The following MNS1 variants were observed in gnomAD, a reference collection of about 807,000 sequenced individuals.
MNS1 encodes meiosis specific nuclear structural 1, also known as meiosis-specific nuclear structural protein 1.
In MNS1, 63 loss-of-function variants were observed where a neutral mutation model predicts 72.0. The observed-to-expected ratio is 0.87, with a 90% CI of 0.71 to 1.08. MNS1 has a LOEUF of 1.08. Ranked by LOEUF, MNS1 falls within the 50% of genes least tolerant of loss-of-function variation. MNS1 has a pLI of 0.00. For missense variants in MNS1, 604 were observed against 562.4 expected, an observed-to-expected ratio of 1.07 and a Z score of -0.75; for synonymous variants, 188 against 172.1, an observed-to-expected ratio of 1.09 and a Z score of -0.72.
chr15:56,431,486 C>T lies in MNS1; in HGVS notation c.1282G>A (p.Glu428Lys). The T allele has an allele frequency of 6.2e-7, 1 of 1,613,682 alleles. No individual in the cohort carries two copies. Among genetic ancestry groups the T allele is most frequent in the South Asian group, 1.1e-5 (1 of 91,042 alleles). The change falls in exon 9 of 10, where the codon GAA becomes AAA. Residue 428 changes from glutamate to lysine, a missense_variant. By Grantham distance (56) the Glu-to-Lys change is moderately conservative. Transcript: ENST00000260453. ...QFLADKQREL[E>K]EWQLQQRRQG... ...CGCCTTTGCTGCAACTGCCACTCTT[C>T]TAGTTCACGTTGCTGGAAATGCAGA...
At position 56,464,126 on chromosome 15, in the gene MNS1, A is replaced by G. The variant is rs2051041954; in HGVS notation, c.125T>C (p.Met42Thr). 2 of 1,614,076 alleles carry G rather than the reference A, an allele frequency of 1.2e-6. No homozygotes were observed. The highest frequency in any genetic ancestry group is 2.2e-5 in the East Asian group (1 of 44,860). The change falls in exon 2 of 10, where the codon ATG becomes ACG. Residue 42 changes from methionine to threonine, a missense_variant. Physicochemically the swap from Met to Thr is moderately conservative, Grantham distance 81. Transcript: ENST00000260453. ...ACGGTTATCATTTTCATTCTGCACCATTTGATTCCTGATTTGACTGTTGAC... is the reference window on the plus strand; with the variant it reads ...ACGGTTATCATTTTCATTCTGCACCGTTTGATTCCTGATTTGACTGTTGAC... ...KNVNSQIRNQ[M>T]VQNENDNRVQ...
chr15:56,454,387 C>T (rs1217789338), intron 3 of MNS1, among the ~76,000 whole-genome samples: 1 of 151,612 alleles, frequency 6.6e-6, no homozygotes, highest in Non-Finnish European at 1.5e-5. Context: ...TTTTAAATGT[C>T]CAGTGAAATT....
chr15:56,443,400 T>A, intron 7 of MNS1, 30 bp downstream of exon 7: 6 of 1,465,340 alleles, frequency 4.1e-6, no homozygotes, highest in Non-Finnish European at 5.5e-6. Context: ...CTTCTCTACA[T>A]TAATCATTCT....
At chr15:56,436,768 A>C (rs2050733046) in intron 7 of MNS1, among the ~76,000 whole-genome samples, 1 of 152,200 alleles carries the variant, frequency 6.6e-6, no homozygotes, top group African/African-American at 2.4e-5. Context: ...AAAATGATAA[A>C]GGGGATATCA....
At chr15:56,440,589 T>A (rs1237695799) in intron 7 of MNS1, among the ~76,000 whole-genome samples, 2 of 152,082 alleles carry the variant, frequency 1.3e-5, no homozygotes, top group African/African-American at 2.4e-5. Context: ...GGGCAAATGG[T>A]CAAATAAAAT....
At chr15:56,460,103 T>C (rs1050538147) in intron 2 of MNS1, among the ~76,000 whole-genome samples, 1 of 141,672 alleles carries the variant, frequency 7.1e-6, no homozygotes, top group East Asian at 2.1e-4. Flanking sequence ...TCCAAAATAA[T>C]GGGTCATTGT....
intron 7 of MNS1, among the ~76,000 whole-genome samples, chr15:56,442,287 A>T (rs549005938): frequency 1.1e-4 from 16 of 152,294 alleles, no homozygotes; most frequent in African/African-American, 3.8e-4. Flanking sequence ...GTGGGAATGT[A>T]AACTAGTTCA....
chr15:56,465,089 C>T lies in MNS1; in HGVS notation c.-117G>A. 6.9e-7 allele frequency: 1 copy of T among 1,439,902 alleles called. No individual in the cohort carries two copies. The highest frequency in any genetic ancestry group is 1.4e-5 in the African/African-American group (1 of 69,852). The allele number at this position is 1,439,902 out of a possible 1,614,324, so 89.2% of individuals were successfully genotyped here. On this transcript the variant is annotated 5_prime_UTR_variant, in exon 1 of 10. Coordinates refer to ENST00000260453, the MANE Select transcript of MNS1 (RefSeq NM_018365.4). The stretch of plus-strand genomic sequence containing the variant: ...GGCTGCGCGCGCTCGGGTGTTTACG[C>T]GGCGTCTTGGCAACGGTGGAGCTGC...
chr15:56,448,308 T>C (rs1357925711), intron 3 of MNS1, among the ~76,000 whole-genome samples: 1 of 152,228 alleles, frequency 6.6e-6, no homozygotes, highest in African/African-American at 2.4e-5. Context: ...GGGAATATTG[T>C]GTGATACTGA....
At chr15:56,440,500 C>T (rs1221099732) in intron 7 of MNS1, among the ~76,000 whole-genome samples, 1 of 152,080 alleles carries the variant, frequency 6.6e-6, no homozygotes, top group Non-Finnish European at 1.5e-5. Flanking sequence ...GATGTTTATA[C>T]AAAAACCTTT....
At chr15:56,432,462 C>T (rs1216808082) in intron 8 of MNS1, among the ~76,000 whole-genome samples, 3 of 152,034 alleles carry the variant, frequency 2.0e-5, no homozygotes, top group Non-Finnish European at 4.4e-5. Context: ...ATGGTTAGAC[C>T]TTATAGGATT....
intron 7 of MNS1, among the ~76,000 whole-genome samples, chr15:56,440,498 T>C (rs1350854311): frequency 6.6e-6 from 1 of 152,176 alleles, no homozygotes; most frequent in Non-Finnish European, 1.5e-5. Context: ...TTGATGTTTA[T>C]ACAAAAACCT....
chr15:56,463,589 C>A (rs942963988), intron 2 of MNS1, among the ~76,000 whole-genome samples: 2 of 152,040 alleles, frequency 1.3e-5, no homozygotes, highest in Admixed American at 6.6e-5. Flanking sequence ...CGAGATCAGC[C>A]TGGTCAATAT....
chr15:56,460,009 A>AAAAAAAATAT lies in MNS1; in HGVS notation c.226-3489_226-3488insATATTTTTTT. Among the ~76,000 whole-genome samples, 163 of 26,340 alleles carry AAAAAAAATAT rather than the reference A, an allele frequency of 6.2e-3. 35 individuals carry two copies. Among genetic ancestry groups the AAAAAAAATAT allele is most frequent in the Middle Eastern group, 0.033 (2 of 60 alleles). The allele number at this position is 26,340 out of a possible 152,430, so 17.3% of individuals were successfully genotyped here. A position where few individuals can be genotyped will look rare whatever the true frequency, so the allele number is the denominator to read the frequency against. ...CTGTCTCAAAAAAAAAAAAAAAAAA[A>AAAAAAAATAT]ATACATATATATATATATATATATA... On this transcript the variant is annotated intron_variant, in intron 2 of 9. Coordinates refer to ENST00000260453, the MANE Select transcript of MNS1 (RefSeq NM_018365.4).
rs1239151997 is a variant in MNS1 at position 56,431,406 on chromosome 15, C to T, written c.1362G>A (p.Glu454=). The T allele has an allele frequency of 1.2e-6, 2 of 1,613,206 alleles. No individual in the cohort carries two copies. The highest frequency in any genetic ancestry group is 1.1e-5 in the South Asian group (1 of 91,010). ...IEEERLKLLK[E]HATNLLGYLP... is the part of the protein sequence containing the mutation. The stretch of plus-strand genomic sequence containing the variant: ...GATAGCCTAGTAAGTTTGTAGCATG[C>T]TCTTTAAGAAGTTTTAGCCTTTCTT... The change falls in exon 9 of 10, where the codon GAG becomes GAA. Residue 454 remains glutamate (E), a synonymous_variant. Coordinates refer to ENST00000260453, the MANE Select transcript of MNS1 (RefSeq NM_018365.4).
Position 56,429,117 on chromosome 15 carries a change from A to T in MNS1, c.1472T>A (p.Ile491Asn), listed in dbSNP as rs1197354522. The T allele has an allele frequency of 6.3e-7, 1 of 1,594,514 alleles. No individual in the cohort carries two copies. The highest frequency in any genetic ancestry group is 8.5e-7 in the Non-Finnish European group (1 of 1,170,654). ...FRKVYQQRSE[I>N]CEEK is the part of the protein sequence containing the mutation. ...TTGATGATATCATTTCTCTTCACAA[A>T]TTTCACTCCTTTGTTGATATACTTT... The change falls in exon 10 of 10, where the codon ATT (isoleucine) becomes AAT (asparagine). Residue 491 changes from isoleucine (I) to asparagine (N), a missense_variant. By Grantham distance (149) the Ile-to-Asn change is moderately radical. Coordinates refer to ENST00000260453, the MANE Select transcript of MNS1 (RefSeq NM_018365.4).
intron 2 of MNS1, among the ~76,000 whole-genome samples, chr15:56,461,985 T>TTG (rs1669499577): frequency 2.0e-5 from 1 of 50,318 alleles, no homozygotes; most frequent in Non-Finnish European, 4.0e-5. Flanking sequence ...GTTTTTTTTT[T>TTG]TTTTTTTTTT....
Position 56,463,600 on chromosome 15 carries a change from G to A in MNS1, c.225+426C>T, listed in dbSNP as rs367909509. Among the ~76,000 whole-genome samples the A allele has an allele frequency of 5.9e-5, 9 of 152,160 alleles. No individual in the cohort carries two copies. The South Asian group carries it at 8.3e-4, about 14-fold the overall frequency. On this transcript the variant is annotated intron_variant, in intron 2 of 9. Coordinates refer to ENST00000260453, the MANE Select transcript of MNS1 (RefSeq NM_018365.4). ...AGTTCGAGATCAGCCTGGTCAATAT[G>A]GTGAAACCCCGTCTCTACTAAAAAT...
rs201768989 is a variant in MNS1, at chr15:56,464,975, T to C, written c.-3A>G. On this transcript the variant is annotated 5_prime_UTR_variant, in exon 1 of 10. Coordinates refer to ENST00000260453, the MANE Select transcript of MNS1 (RefSeq NM_018365.4). ...AAGTCCCCCAACTGGCTCACCATCT[T>C]GGCTGACGAAAAATACCCCCTCTCG... 818 of 1,610,644 alleles carry C rather than the reference T, an allele frequency of 5.1e-4. 2 individuals carry two copies. In the Middle Eastern group the frequency reaches 5.9e-3, roughly 12 times the overall value.
Sources: allele counts gnomAD v4.1 joint callset (sites outside exome capture counted in the v4.1 genomes callset), GRCh38; gene constraint gnomAD v4.1.1; transcripts MANE v1.5; gene names NCBI Gene and HGNC (gene_info 2026-07-23, HGNC 2026-07-21).